Variants in ZDHHC15 observed in about 807,000 individuals in gnomAD.
The protein encoded by ZDHHC15 is zDHHC palmitoyltransferase 15.
A neutral mutation model predicts 31.7 loss-of-function variants in ZDHHC15; 19 were observed. The ratio of observed to expected loss-of-function variants is 0.60; its 90% confidence interval spans 0.42 to 0.88. The LOEUF is 0.88. ZDHHC15 is among the 40% of genes least tolerant of loss of function. The pLI is 0.00. For missense variants in ZDHHC15, 209 were observed against 251.2 expected (o/e 0.83, Z 1.14); for synonymous variants, 103 against 90.0 (o/e 1.14, Z -0.82).
In ZDHHC15 at chrX:75,436,904, C is replaced by T. The variant is rs776771629; in HGVS notation, c.380-5384G>A. On this transcript the variant is annotated intron_variant, in intron 4 of 11. Transcript: ENST00000373367. ...TTTGTTTTGTTTTGTCTTTTTGAGACGGAGTCTCGCTCTGTCGCCCAGGCT... is the reference window on the plus strand; with the variant it reads ...TTTGTTTTGTTTTGTCTTTTTGAGATGGAGTCTCGCTCTGTCGCCCAGGCT... Among the ~76,000 whole-genome samples, 649 of 112,135 alleles carry T rather than the reference C, an allele frequency of 5.8e-3. 6 individuals carry two copies. Among genetic ancestry groups the T allele is most frequent in the Non-Finnish European group, 4.0e-3 (214 of 53,150 alleles).
At chrX:75,470,233 A>G (rs1279462870) in intron 3 of ZDHHC15, among the ~76,000 whole-genome samples, 1 of 111,637 alleles carries the variant, frequency 9.0e-6, no homozygotes, top group Non-Finnish European at 1.9e-5. Context: ...CCTAGCCTCC[A>G]AGGCTACATC....
At chrX:75,458,226 C>T (rs1233651384) in intron 3 of ZDHHC15, among the ~76,000 whole-genome samples, 1 of 111,530 alleles carries the variant, frequency 9.0e-6, no homozygotes, top group Non-Finnish European at 1.9e-5. Flanking sequence ...AGAATAGTAC[C>T]AACTAGGATT....
chrX:75,388,006 C>T lies in ZDHHC15; in HGVS notation c.968-8808G>A, dbSNP rs1228244338. Among the ~76,000 whole-genome samples, 3 of 112,126 alleles carry T rather than the reference C, an allele frequency of 2.7e-5. No individual in the cohort carries two copies. In the Admixed American group the frequency reaches 2.8e-4, roughly 11 times the overall value. On this transcript the variant is annotated intron_variant, in intron 10 of 11. Transcript: ENST00000373367. ...AACAGACTTCTCAATGGAAACCACACAGGCCAGGAGGGAGTAGGATGACAT... is the reference window on the plus strand; with the variant it reads ...AACAGACTTCTCAATGGAAACCACATAGGCCAGGAGGGAGTAGGATGACAT...
intron 4 of ZDHHC15, among the ~76,000 whole-genome samples, chrX:75,433,964 G>A (rs2083817420): frequency 9.0e-6 from 1 of 110,961 alleles, no homozygotes; most frequent in Non-Finnish European, 1.9e-5. Context: ...CACCAGGAGT[G>A]TAAAAGCGTT....
At chrX:75,436,304 T>C (rs1040712188) in intron 4 of ZDHHC15, among the ~76,000 whole-genome samples, 2 of 112,189 alleles carry the variant, frequency 1.8e-5, no homozygotes, top group African/African-American at 6.5e-5. Flanking sequence ...ATTTATCTTT[T>C]GTATTCTTAT....
intron 10 of ZDHHC15, among the ~76,000 whole-genome samples, chrX:75,411,489 GGC>G (rs1305871895): frequency 8.9e-6 from 1 of 112,722 alleles, no homozygotes; most frequent in Non-Finnish European, 1.9e-5. Context: ...TGGGATTACA[GGC>G]GCGAGCCACC....
intron 1 of ZDHHC15, among the ~76,000 whole-genome samples, chrX:75,517,016 G>T (rs1309059177): frequency 8.9e-6 from 1 of 112,111 alleles, no homozygotes; most frequent in African/African-American, 3.2e-5. Context: ...TCAGAGAAAT[G>T]CAAATCAAAA....
chrX:75,513,362 T>C (rs1195256238), intron 1 of ZDHHC15, among the ~76,000 whole-genome samples: 1 of 111,907 alleles, frequency 8.9e-6, no homozygotes, highest in Non-Finnish European at 1.9e-5. Flanking sequence ...ACATCCCTCC[T>C]CAAAAGCAAC....
At chrX:75,430,099 G>A in intron 5 of ZDHHC15, 119 bp from the exon 6 acceptor site, 1 of 761,758 alleles carries the variant, frequency 1.3e-6, no homozygotes, top group Non-Finnish European at 1.9e-6. Flanking sequence ...CCCATTCTCA[G>A]ATTTCCACTA....
chrX:75,435,920 C>G (rs370375551), intron 4 of ZDHHC15, among the ~76,000 whole-genome samples: 15 of 111,834 alleles, frequency 1.3e-4, no homozygotes, highest in African/African-American at 4.9e-4. Flanking sequence ...AGGAGTGGTA[C>G]CAATTCTTCT....
intron 4 of ZDHHC15, among the ~76,000 whole-genome samples, chrX:75,443,791 T>A (rs188861773): frequency 4.9e-4 from 54 of 111,324 alleles, no homozygotes; most frequent in African/African-American, 1.6e-3. Flanking sequence ...AACAACCCCA[T>A]CAAAAAGTGG....
At chrX:75,508,565 G>T (rs896341884) in intron 1 of ZDHHC15, among the ~76,000 whole-genome samples, 10 of 109,535 alleles carry the variant, frequency 9.1e-5, no homozygotes, top group African/African-American at 3.0e-4. Flanking sequence ...CATTTAGGTT[G>T]GTTGCAAGTC....
intron 9 of ZDHHC15, among the ~76,000 whole-genome samples, chrX:75,420,811 G>A (rs2083617316): frequency 9.1e-6 from 1 of 110,238 alleles, no homozygotes; most frequent in African/African-American, 3.3e-5. Flanking sequence ...TCCTGGGGTG[G>A]GGAGCTAGGG....
At chrX:75,490,777 A>C (rs1179494413) in intron 2 of ZDHHC15, among the ~76,000 whole-genome samples, 1 of 111,470 alleles carries the variant, frequency 9.0e-6, no homozygotes, top group African/African-American at 3.3e-5. Context: ...CTCACTCATG[A>C]TTTGGCTCTC....
intron 4 of ZDHHC15, among the ~76,000 whole-genome samples, chrX:75,444,094 T>A (rs921541307): frequency 9.0e-6 from 1 of 111,236 alleles, no homozygotes; most frequent in African/African-American, 3.3e-5. Context: ...GAAATGCCAT[T>A]TGACCCAGCC....
intron 1 of ZDHHC15, among the ~76,000 whole-genome samples, chrX:75,520,010 G>C (rs1193406037): frequency 8.9e-6 from 1 of 112,155 alleles, no homozygotes; most frequent in Admixed American, 9.5e-5. Flanking sequence ...CTCTGCATTA[G>C]TTTAGAGGAG....
At chrX:75,450,628 T>C in intron 4 of ZDHHC15, 174 bp downstream of exon 4, 3 of 1,005,104 alleles carry the variant, frequency 3.0e-6, no homozygotes, top group South Asian at 2.3e-5. Context: ...TATACAATTC[T>C]TCCAGCTTTG....
chrX:75,376,125 T>C (rs2083056728), intron 11 of ZDHHC15, among the ~76,000 whole-genome samples: 1 of 111,326 alleles, frequency 9.0e-6, no homozygotes, highest in Admixed American at 9.6e-5. Flanking sequence ...AGTACCTCAT[T>C]GCGGTTTGGA....
rs762657530 is a variant in ZDHHC15, at chrX:75,475,224, A to C, written c.258+3667T>G. Among the ~76,000 whole-genome samples the C allele has an allele frequency of 8.0e-5, 9 of 111,890 alleles. No individual in the cohort carries two copies. The East Asian group carries it at 2.5e-3, about 31-fold the overall frequency. ...TTAAATGTATCCTTTGACATATGAA[A>C]ATTTTAAATTATGATGTAGTCCAAT... On this transcript the variant is annotated intron_variant, in intron 3 of 11. Coordinates refer to ENST00000373367, the MANE Select transcript of ZDHHC15 (RefSeq NM_144969.3).
Sources: gnomAD v4.1 joint callset for allele counts (sites outside exome capture counted in the v4.1 genomes callset) on GRCh38, gnomAD v4.1.1 for gene constraint, MANE v1.5 for transcripts, NCBI Gene and HGNC (gene_info 2026-07-23, HGNC 2026-07-21) for gene names.